Variants in CIMIP6 observed in about 807,000 individuals in gnomAD.
CIMIP6 encodes the protein ciliary microtubule inner protein 6, also known as uncharacterized protein C2orf73.
chr2:54,351,013 G>C, the CIMIP6 span, among the ~76,000 whole-genome samples: 1 of 152,144 alleles, frequency 6.6e-6, no homozygotes, highest in Non-Finnish European at 1.5e-5. Context: ...GGTATTCATA[G>C]TTACTTATGA....
chr2:54,346,387 G>C, the CIMIP6 span, among the ~76,000 whole-genome samples: 3 of 152,176 alleles, frequency 2.0e-5, no homozygotes, highest in Non-Finnish European at 4.4e-5. Context: ...AAAGGAACCA[G>C]TCTAAAAACC....
the CIMIP6 span, among the ~76,000 whole-genome samples, chr2:54,332,769 C>G: frequency 2.0e-5 from 3 of 152,120 alleles, no homozygotes; most frequent in Non-Finnish European, 4.4e-5. Context: ...TGGGTGATAA[C>G]TATGAGAAAC....
the CIMIP6 span, among the ~76,000 whole-genome samples, chr2:54,356,373 A>G: frequency 1.1e-4 from 16 of 152,312 alleles, no homozygotes; most frequent in Admixed American, 9.8e-4. Context: ...GCCCTGGGCA[A>G]GCATGATCTT....
At chr2:54,336,263 C>A in the CIMIP6 span, among the ~76,000 whole-genome samples, 1 of 152,312 alleles carries the variant, frequency 6.6e-6, no homozygotes, top group South Asian at 2.1e-4. Context: ...CTTTTGTGGT[C>A]ATTCCCTTCC....
At chr2:54,356,143 T>TAAA in the CIMIP6 span, among the ~76,000 whole-genome samples, 3,017 of 136,574 alleles carry the variant, frequency 0.022, 122 homozygotes, top group African/African-American at 0.077. Flanking sequence ...CTTAAACTGT[T>TAAA]AAAAAAAAAA....
chr2:54,357,179 A>G, the CIMIP6 span, among the ~76,000 whole-genome samples: 1 of 152,192 alleles, frequency 6.6e-6, no homozygotes, highest in South Asian at 2.1e-4. Flanking sequence ...CTTTTTTTAT[A>G]CTGCTAACTG....
the CIMIP6 span, among the ~76,000 whole-genome samples, chr2:54,370,159 G>A: frequency 6.6e-6 from 1 of 152,234 alleles, no homozygotes; most frequent in South Asian, 2.1e-4. Flanking sequence ...GGAGGCTGAG[G>A]CAGGAGAATC....
chr2:54,338,731 GT>G, the CIMIP6 span, among the ~76,000 whole-genome samples: 1 of 75,298 alleles, frequency 1.3e-5, no homozygotes, highest in East Asian at 2.4e-4. Flanking sequence ...GACGAGATTG[GT>G]TGGTTTTATT....
chr2:54,360,738 G>T, the CIMIP6 span: 1 of 650,560 alleles, frequency 1.5e-6, no homozygotes, highest in Non-Finnish European at 2.4e-6. Flanking sequence ...AATAAGAGTG[G>T]TCTCCAATAA....
At chr2:54,344,495 A>G in the CIMIP6 span, among the ~76,000 whole-genome samples, 2 of 152,222 alleles carry the variant, frequency 1.3e-5, no homozygotes, top group African/African-American at 4.8e-5. Context: ...CTGCCTGGCC[A>G]AAGCCCTGAC....
At chr2:54,381,839 C>A in the CIMIP6 span, 1 of 1,526,136 alleles carries the variant, frequency 6.6e-7, no homozygotes. Flanking sequence ...TCTTGTCTTC[C>A]TTCCAGATGA....
At chr2:54,375,517 A>G in the CIMIP6 span, among the ~76,000 whole-genome samples, 1 of 152,260 alleles carries the variant, frequency 6.6e-6, no homozygotes, top group African/African-American at 2.4e-5. Flanking sequence ...GTGAGAGAAT[A>G]GGTACAACCT....
At chr2:54,350,671 C>T in the CIMIP6 span, among the ~76,000 whole-genome samples, 10 of 152,318 alleles carry the variant, frequency 6.6e-5, no homozygotes, top group South Asian at 1.9e-3. Context: ...GATTTGAATA[C>T]TGGGAGGCCT....
the CIMIP6 span, among the ~76,000 whole-genome samples, chr2:54,362,682 G>C: frequency 1.9e-4 from 29 of 152,182 alleles, no homozygotes; most frequent in African/African-American, 7.0e-4. Context: ...TGAGTGCTGG[G>C]ATTACAGGTG....
At chr2:54,372,660 G>T in the CIMIP6 span, among the ~76,000 whole-genome samples, 1 of 152,128 alleles carries the variant, frequency 6.6e-6, no homozygotes, top group East Asian at 1.9e-4. Flanking sequence ...TCTTCCCCAG[G>T]GTGCCAGGCA....
At chr2:54,371,143 G>C in the CIMIP6 span, among the ~76,000 whole-genome samples, 4 of 152,290 alleles carry the variant, frequency 2.6e-5, no homozygotes, top group Admixed American at 2.6e-4. Flanking sequence ...TCACAGATGT[G>C]TCCATGTTTT....
chr2:54,384,125 G>T, the CIMIP6 span, among the ~76,000 whole-genome samples: 1 of 152,210 alleles, frequency 6.6e-6, no homozygotes, highest in African/African-American at 2.4e-5. Flanking sequence ...ATTACAAGAC[G>T]CCTGGTGGTA....
chr2:54,331,011 G>A, the CIMIP6 span: 1 of 1,613,582 alleles, frequency 6.2e-7, no homozygotes, highest in Non-Finnish European at 8.5e-7. Flanking sequence ...AGTAAGTGCT[G>A]GGGTTTGGTG....
chr2:54,384,021 G>A, the CIMIP6 span, among the ~76,000 whole-genome samples: 2 of 152,192 alleles, frequency 1.3e-5, no homozygotes, highest in African/African-American at 2.4e-5. Context: ...CTAGAACTAT[G>A]AGCCAAATAC....
Sources: gnomAD v4.1 joint callset for allele counts (sites outside exome capture counted in the v4.1 genomes callset) on GRCh38, gnomAD v4.1.1 for gene constraint, MANE v1.5 for transcripts, NCBI Gene and HGNC (gene_info 2026-07-23, HGNC 2026-07-21) for gene names.